ADARB2: variants seen among roughly 807,000 people sequenced by gnomAD.
ADARB2 encodes adenosine deaminase RNA specific B2 (inactive).
Under a neutral mutation model 62.2 loss-of-function variants are expected in ADARB2, and 25 were observed. The ratio of observed to expected loss-of-function variants is 0.40; its 90% CI spans 0.29 to 0.56. The LOEUF is 0.56. Ranked by LOEUF, ADARB2 falls within the 20% of genes least tolerant of loss-of-function variation. ADARB2 has a pLI of 0.43. For missense variants in ADARB2, 1,071 were observed against 1,077.4 expected (o/e 0.99, Z 0.08); for synonymous variants, 572 against 500.8 (o/e 1.14, Z -1.90).
rs1759795409 is a variant in ADARB2, at chr10:1,181,439, C to CT, written c.*1753dup. ...AAAAATGTTCTCGTATCTTTTGAAA[C>CT]TTTATCTGGAAGAAGTTGTCTACTC... On this transcript the variant is annotated 3_prime_UTR_variant, in exon 10 of 10. Coordinates refer to ENST00000381312, the MANE Select transcript of ADARB2 (RefSeq NM_018702.4). 2 of 152,170 alleles carry CT rather than the reference C, an allele frequency of 1.3e-5. No homozygotes were observed. Among genetic ancestry groups the CT allele is most frequent in the Non-Finnish European group, 2.9e-5 (2 of 68,010 alleles). The allele number at this position is 152,170 out of a possible 1,614,324, so 9.4% of individuals were successfully genotyped here.
chr10:1,575,585 G>A (rs1057050443), intron 1 of ADARB2, among the ~76,000 whole-genome samples: 2 of 152,226 alleles, frequency 1.3e-5, no homozygotes, highest in South Asian at 2.1e-4. Flanking sequence ...GCGTGCAGAC[G>A]CTGCTCTGAG....
chr10:1,446,912 A>G (rs1222503060), intron 1 of ADARB2, among the ~76,000 whole-genome samples: 2 of 152,112 alleles, frequency 1.3e-5, no homozygotes, highest in Non-Finnish European at 1.5e-5. Context: ...GACCTACGCA[A>G]TTGTCAAGGG....
chr10:1,455,292 T>C (rs1164006093), intron 1 of ADARB2, among the ~76,000 whole-genome samples: 1 of 152,180 alleles, frequency 6.6e-6, no homozygotes, highest in Non-Finnish European at 1.5e-5. Flanking sequence ...GAAATGTCTT[T>C]AAAAATAGTC....
At chr10:1,190,646 T>G (rs1464746206) in intron 8 of ADARB2, among the ~76,000 whole-genome samples, 1 of 152,166 alleles carries the variant, frequency 6.6e-6, no homozygotes, top group Admixed American at 6.5e-5. Context: ...AATCCCAGGC[T>G]TCCTGGCTTG....
chr10:1,274,342 A>T (rs924379512), intron 3 of ADARB2, among the ~76,000 whole-genome samples: 1 of 152,226 alleles, frequency 6.6e-6, no homozygotes, highest in East Asian at 1.9e-4. Flanking sequence ...ATGGGTGTTA[A>T]TGTTGATTCA....
intron 3 of ADARB2, among the ~76,000 whole-genome samples, chr10:1,288,146 G>C (rs1423987683): frequency 6.6e-6 from 1 of 152,178 alleles, no homozygotes; most frequent in Non-Finnish European, 1.5e-5. Flanking sequence ...AGACAGGCTC[G>C]GCCATGCCCA....
At chr10:1,353,358 C>G (rs1211620528) in intron 3 of ADARB2, among the ~76,000 whole-genome samples, 1 of 152,212 alleles carries the variant, frequency 6.6e-6, no homozygotes, top group African/African-American at 2.4e-5. Flanking sequence ...CATCCGCTGG[C>G]TTTGCATTTC....
At chr10:1,547,833 G>T (rs998317618) in intron 1 of ADARB2, among the ~76,000 whole-genome samples, 3 of 151,418 alleles carry the variant, frequency 2.0e-5, no homozygotes, top group Admixed American at 1.3e-4. Context: ...TGGGGAGGGG[G>T]AGATAGGCAT....
At chr10:1,630,213 A>G (rs7078498) in intron 1 of ADARB2, among the ~76,000 whole-genome samples, 85,200 of 152,084 alleles carry the variant, frequency 0.56, 26,105 homozygotes, top group East Asian at 0.84. Context: ...GCCAGAGACC[A>G]TTCTGGGTCC....
intron 1 of ADARB2, among the ~76,000 whole-genome samples, chr10:1,522,870 C>T (rs1269571744): frequency 6.6e-6 from 1 of 152,204 alleles, no homozygotes; most frequent in Non-Finnish European, 1.5e-5. Context: ...CTCACCATGG[C>T]TCCTAACCAG....
chr10:1,414,863 G>A (rs1006831225), intron 1 of ADARB2, among the ~76,000 whole-genome samples: 23 of 152,224 alleles, frequency 1.5e-4, no homozygotes, highest in African/African-American at 5.5e-4. Context: ...GATGATGGGG[G>A]CTGGATGAGT....
At chr10:1,673,830 G>A (rs1034281207) in intron 1 of ADARB2, among the ~76,000 whole-genome samples, 1 of 152,234 alleles carries the variant, frequency 6.6e-6, no homozygotes, top group Non-Finnish European at 1.5e-5. Flanking sequence ...TGGGCTGTGT[G>A]CCCACTCAGC....
At chr10:1,330,418 A>G (rs1442031985) in intron 3 of ADARB2, among the ~76,000 whole-genome samples, 1 of 152,250 alleles carries the variant, frequency 6.6e-6, no homozygotes, top group Non-Finnish European at 1.5e-5. Context: ...AACATATACA[A>G]AAATATAAAT....
chr10:1,308,747 AATTT>A (rs1207200514), intron 3 of ADARB2, among the ~76,000 whole-genome samples: 1 of 152,104 alleles, frequency 6.6e-6, no homozygotes, highest in Admixed American at 6.5e-5. Flanking sequence ...TCCATCATAT[AATTT>A]ATTTTTGTGG....
chr10:1,646,078 G>T (rs999199004), intron 1 of ADARB2, among the ~76,000 whole-genome samples: 20 of 152,180 alleles, frequency 1.3e-4, no homozygotes, highest in Non-Finnish European at 2.2e-4. Flanking sequence ...TCCAGGAAAG[G>T]CTCCCAGAGG....
At position 1,564,457 on chromosome 10, in the gene ADARB2, A is replaced by G. The variant is rs368413650; in HGVS notation, c.100+172594T>C. Among the ~76,000 whole-genome samples the G allele has an allele frequency of 2.9e-3, 447 of 152,288 alleles. 5 individuals are homozygous for G. Among genetic ancestry groups the G allele is most frequent in the African/African-American group, 9.8e-3 (409 of 41,564 alleles). ...CTTCTGCACAGCAAAAGAAACTACC[A>G]TCAGAGTGAACAGGCAACCTACAAA... On this transcript the variant is annotated intron_variant, in intron 1 of 9. Coordinates refer to ENST00000381312, the MANE Select transcript of ADARB2 (RefSeq NM_018702.4).
At chr10:1,617,762 A>G (rs933876202) in intron 1 of ADARB2, among the ~76,000 whole-genome samples, 2 of 151,978 alleles carry the variant, frequency 1.3e-5, no homozygotes, top group Non-Finnish European at 2.9e-5. Context: ...TTGCCTGTGC[A>G]GACACACTCC....
intron 6 of ADARB2, among the ~76,000 whole-genome samples, chr10:1,221,418 TTTA>T (rs949138118): frequency 1.9e-4 from 29 of 151,862 alleles, no homozygotes; most frequent in Middle Eastern, 3.4e-3. Context: ...TTTTTTTAAT[TTTA>T]TTATTATTAT....
At chr10:1,653,534 C>T (rs117896715) in intron 1 of ADARB2, among the ~76,000 whole-genome samples, 4,692 of 128,962 alleles carry the variant, frequency 0.036, 96 homozygotes, top group Middle Eastern at 0.063. Context: ...CTCCACCAGA[C>T]GCCTCGTGTG....
Sources: gnomAD v4.1 joint callset for allele counts (sites outside exome capture counted in the v4.1 genomes callset) on GRCh38, gnomAD v4.1.1 for gene constraint, MANE v1.5 for transcripts, NCBI Gene and HGNC (gene_info 2026-07-23, HGNC 2026-07-21) for gene names.